GAB2: variants seen among roughly 807,000 people sequenced by gnomAD.
GAB2 encodes the protein GRB2 associated binding protein 2, also known as GRB2-associated-binding protein 2.
A neutral mutation model predicts 65.5 loss-of-function variants in GAB2; 26 were observed. That is an observed-to-expected ratio of 0.40 (90% CI 0.29 to 0.55). The LOEUF is 0.55. GAB2 is among the 20% of genes least tolerant of loss of function. GAB2 has a pLI of 0.53. For synonymous variants in GAB2, 321 were observed against 329.6 expected (o/e 0.97, Z 0.28); for missense variants, 884 against 875.8 (o/e 1.01, Z -0.12).
At chr11:78,296,481 CCTT>C (rs1390327050) in intron 1 of GAB2, among the ~76,000 whole-genome samples, 2 of 151,580 alleles carry the variant, frequency 1.3e-5, no homozygotes, top group Non-Finnish European at 2.9e-5. Flanking sequence ...CACATTACAG[CCTT>C]CTTGTGTTTA....
chr11:78,346,989 C>A (rs1235983062), intron 1 of GAB2, among the ~76,000 whole-genome samples: 2 of 151,880 alleles, frequency 1.3e-5, no homozygotes, highest in African/African-American at 4.8e-5. Context: ...AGCAGACTGA[C>A]TCACTATTTG....
intron 1 of GAB2, among the ~76,000 whole-genome samples, chr11:78,314,966 A>G (rs1370384284): frequency 6.6e-6 from 1 of 152,222 alleles, no homozygotes; most frequent in Non-Finnish European, 1.5e-5. Context: ...AGCAGTGAGA[A>G]CTAACATGAC....
At chr11:78,275,944 T>C (rs1230424777) in intron 2 of GAB2, among the ~76,000 whole-genome samples, 1 of 151,656 alleles carries the variant, frequency 6.6e-6, no homozygotes, top group African/African-American at 2.4e-5. Context: ...TGAAACCCTG[T>C]CTCTATTAAA....
intron 3 of GAB2, among the ~76,000 whole-genome samples, chr11:78,243,093 C>T (rs1214187454): frequency 1.3e-5 from 2 of 149,730 alleles, no homozygotes; most frequent in African/African-American, 2.5e-5. Flanking sequence ...ACCTGGGAGG[C>T]GGAGGTTGCA....
At chr11:78,290,481 T>C (rs1866632454) in intron 1 of GAB2, among the ~76,000 whole-genome samples, 1 of 152,238 alleles carries the variant, frequency 6.6e-6, no homozygotes, top group Admixed American at 6.5e-5. Context: ...AACCTGTCTC[T>C]ATCCTTTGGG....
intron 1 of GAB2, among the ~76,000 whole-genome samples, chr11:78,316,129 C>CG (rs1354862207): frequency 2.0e-5 from 3 of 152,032 alleles, no homozygotes; most frequent in African/African-American, 7.2e-5. Flanking sequence ...GGGACTTGCA[C>CG]GGGGGGCCAG....
At chr11:78,325,988 T>TA (rs1855814894) in intron 1 of GAB2, among the ~76,000 whole-genome samples, 1 of 152,216 alleles carries the variant, frequency 6.6e-6, no homozygotes, top group Non-Finnish European at 1.5e-5. Flanking sequence ...TTCCCTACCC[T>TA]AACTCCAGCC....
intron 2 of GAB2, among the ~76,000 whole-genome samples, chr11:78,261,740 G>C (rs1865738756): frequency 6.6e-6 from 1 of 152,168 alleles, no homozygotes; most frequent in Admixed American, 6.5e-5. Flanking sequence ...CAGCCCCAAA[G>C]GGTGGCCTAT....
rs1323813127 is a variant in GAB2, at chr11:78,284,524, C to T, written c.76-3623G>A. Among the ~76,000 whole-genome samples, 3 of 152,246 alleles carry T rather than the reference C, an allele frequency of 2.0e-5. No homozygotes were observed. In the East Asian group the frequency reaches 5.8e-4, roughly 29 times the overall value. On this transcript the variant is annotated intron_variant, in intron 1 of 9. Transcript: ENST00000361507. ...GCCTATTCTGCTCTGGCCACGTGGC[C>T]TTACACAGTGCCAGGCGTGCTCCTG...
chr11:78,398,429 A>G (rs1297812341), intron 1 of GAB2, among the ~76,000 whole-genome samples: 1 of 152,240 alleles, frequency 6.6e-6, no homozygotes, highest in Non-Finnish European at 1.5e-5. Flanking sequence ...TGATATTTAT[A>G]AGACTTATGT....
chr11:78,402,455 G>A (rs1856985743), intron 1 of GAB2, among the ~76,000 whole-genome samples: 1 of 150,840 alleles, frequency 6.6e-6, no homozygotes. Flanking sequence ...TTGAGACAGA[G>A]TTTCACTCTT....
At chr11:78,351,694 G>T (rs1024157830) in intron 1 of GAB2, among the ~76,000 whole-genome samples, 1 of 152,154 alleles carries the variant, frequency 6.6e-6, no homozygotes, top group African/African-American at 2.4e-5. Context: ...AAAGCATACT[G>T]CTGGGAGAAG....
intron 1 of GAB2, among the ~76,000 whole-genome samples, chr11:78,302,480 C>G (rs189920296): frequency 6.6e-6 from 1 of 151,736 alleles, no homozygotes; most frequent in African/African-American, 2.4e-5. Context: ...AACCACAAAG[C>G]GATACCACCT....
intron 2 of GAB2, among the ~76,000 whole-genome samples, chr11:78,266,623 T>G (rs1247474774): frequency 6.6e-6 from 1 of 152,220 alleles, no homozygotes; most frequent in Non-Finnish European, 1.5e-5. Flanking sequence ...GGTAGTTATA[T>G]CTTGGCACGG....
intron 1 of GAB2, among the ~76,000 whole-genome samples, chr11:78,397,701 G>A (rs1218270554): frequency 1.3e-5 from 2 of 152,100 alleles, no homozygotes; most frequent in Non-Finnish European, 1.5e-5. Context: ...TGTCATTTGT[G>A]TAGTATGTAC....
intron 3 of GAB2, 118 bp downstream of exon 3, chr11:78,250,039 G>T: frequency 9.6e-7 from 1 of 1,036,664 alleles, no homozygotes; most frequent in Non-Finnish European, 1.4e-6. Flanking sequence ...TGTCATAGAC[G>T]TGTTTGTCTA....
At chr11:78,389,880 C>T (rs1856814147) in intron 1 of GAB2, among the ~76,000 whole-genome samples, 1 of 152,176 alleles carries the variant, frequency 6.6e-6, no homozygotes, top group African/African-American at 2.4e-5. Flanking sequence ...CTCGCAATGC[C>T]TAGCTGAAGT....
chr11:78,338,047 A>C (rs143611834), intron 1 of GAB2, among the ~76,000 whole-genome samples: 139 of 152,350 alleles, frequency 9.1e-4, no homozygotes, highest in African/African-American at 3.0e-3. Context: ...AATGTCTTAC[A>C]AAAGTACTCC....
intron 1 of GAB2, among the ~76,000 whole-genome samples, chr11:78,285,122 G>C (rs112544479): frequency 0.028 from 4,196 of 152,282 alleles, 151 homozygotes; most frequent in African/African-American, 0.088. Flanking sequence ...TTCACACATA[G>C]ACACATAGTG....
Sources: gnomAD v4.1 joint callset for allele counts (sites outside exome capture counted in the v4.1 genomes callset) on GRCh38, gnomAD v4.1.1 for gene constraint, MANE v1.5 for transcripts, NCBI Gene and HGNC (gene_info 2026-07-23, HGNC 2026-07-21) for gene names.